The following DMD variants were observed in gnomAD, a reference collection of about 807,000 sequenced individuals.
DMD encodes mutant dystrophin.
Under a neutral mutation model 330.1 loss-of-function variants are expected in DMD, and 63 were observed. The ratio of observed to expected loss-of-function variants is 0.19; its 90% CI spans 0.16 to 0.24. The LOEUF (loss-of-function observed/expected upper bound fraction) is 0.24. DMD is among the 10% of genes least tolerant of loss of function. The pLI is 1.00. For missense variants in DMD, 3,344 were observed against 2,684.1 expected, an observed-to-expected ratio of 1.25 and a Z score of -5.43; for synonymous variants, 1,223 against 959.8, an observed-to-expected ratio of 1.27 and a Z score of -5.07.
At chrX:32,727,395 G>A (rs1239995994) in intron 7 of DMD, among the ~76,000 whole-genome samples, 1 of 110,916 alleles carries the variant, frequency 9.0e-6, no homozygotes, top group Non-Finnish European at 1.9e-5. Context: ...GTTTATAACA[G>A]AGCAGAACTC....
intron 20 of DMD, among the ~76,000 whole-genome samples, chrX:32,486,582 A>G (rs1234478142): frequency 8.2e-5 from 9 of 110,197 alleles, no homozygotes; most frequent in African/African-American, 2.6e-4. Context: ...GAGGCATCAC[A>G]CTACCTGACT....
chrX:32,483,290 A>G (rs2042100997), intron 21 of DMD, among the ~76,000 whole-genome samples: 1 of 104,958 alleles, frequency 9.5e-6, no homozygotes, highest in Admixed American at 1.1e-4. Context: ...AATAGCAGTG[A>G]AAAAGTTAGG....
intron 44 of DMD, among the ~76,000 whole-genome samples, chrX:32,085,994 T>A (rs769146244): frequency 5.4e-4 from 61 of 112,126 alleles, no homozygotes; most frequent in African/African-American, 1.8e-3. Context: ...TATGGAATAT[T>A]ATGCAGCCCA....
chrX:31,678,204 G>T (rs988554830), intron 53 of DMD, among the ~76,000 whole-genome samples: 1 of 111,637 alleles, frequency 9.0e-6, no homozygotes, highest in Admixed American at 9.5e-5. Context: ...TGACTAATTT[G>T]GAAATGGAAG....
At chrX:32,791,042 C>T (rs774185003) in intron 7 of DMD, among the ~76,000 whole-genome samples, 3 of 111,084 alleles carry the variant, frequency 2.7e-5, no homozygotes, top group East Asian at 2.9e-4. Flanking sequence ...CCCAGTTTAC[C>T]ACCATTGGCA....
intron 38 of DMD, among the ~76,000 whole-genome samples, chrX:32,347,523 T>G (rs1302934365): frequency 9.0e-6 from 1 of 111,713 alleles, no homozygotes; most frequent in Non-Finnish European, 1.9e-5. Flanking sequence ...ATGGGGAGTA[T>G]TGATTGAGGC....
chrX:32,339,990 C>CA (rs1482214839), intron 41 of DMD, among the ~76,000 whole-genome samples: 1 of 111,993 alleles, frequency 8.9e-6, no homozygotes, highest in African/African-American at 3.2e-5. Flanking sequence ...GTGACTATCA[C>CA]AAATGACTCT....
chrX:32,774,114 C>T (rs1307539884), intron 7 of DMD, among the ~76,000 whole-genome samples: 1 of 112,000 alleles, frequency 8.9e-6, no homozygotes, highest in East Asian at 2.8e-4. Context: ...TTAGGGATGT[C>T]TGAAATTCCT....
At chrX:32,125,669 T>C (rs1294103859) in intron 44 of DMD, among the ~76,000 whole-genome samples, 1 of 111,882 alleles carries the variant, frequency 8.9e-6, no homozygotes, top group Non-Finnish European at 1.9e-5. Context: ...TGAAAGGAGA[T>C]ATCATTCCTT....
At chrX:32,686,919 A>C (rs1192944345) in intron 9 of DMD, among the ~76,000 whole-genome samples, 1 of 111,659 alleles carries the variant, frequency 9.0e-6, no homozygotes, top group Non-Finnish European at 1.9e-5. Context: ...AGGATCCTAG[A>C]CCAAATATTT....
At chrX:32,622,842 G>A (rs937626235) in intron 11 of DMD, among the ~76,000 whole-genome samples, 12 of 111,691 alleles carry the variant, frequency 1.1e-4, no homozygotes, top group Non-Finnish European at 1.9e-5. Context: ...TTAAATTCAC[G>A]GGGTTGGGTC....
At chrX:32,133,677 C>T (rs2096710686) in intron 44 of DMD, among the ~76,000 whole-genome samples, 1 of 111,433 alleles carries the variant, frequency 9.0e-6, no homozygotes, top group South Asian at 3.8e-4. Flanking sequence ...TTCATGACTC[C>T]ATTTTTCTCC....
Position 32,922,480 on chromosome X carries a change from G to A in DMD, c.94-72660C>T, listed in dbSNP as rs2088522291. 3.6e-5 allele frequency among the ~76,000 whole-genome samples: 4 copies of A among 112,268 alleles called. No homozygotes were observed. The South Asian group carries it at 1.5e-3, about 41-fold the overall frequency. ...CTTTTTAGCACCAGGGACTGGTTTC[G>A]TGGAAGACAATTTTTTCACAGACTT... On this transcript the variant is annotated intron_variant, in intron 2 of 78. Transcript: ENST00000357033.
At chrX:32,298,368 T>C (rs188640763) in intron 42 of DMD, among the ~76,000 whole-genome samples, 4 of 110,785 alleles carry the variant, frequency 3.6e-5, no homozygotes, top group Admixed American at 2.9e-4. Flanking sequence ...AAGGATAACA[T>C]GAAGAATTTT....
intron 9 of DMD, among the ~76,000 whole-genome samples, chrX:32,650,048 T>A (rs772070485): frequency 9.0e-6 from 1 of 111,084 alleles, no homozygotes; most frequent in South Asian, 3.8e-4. Flanking sequence ...TCTGTGTGTT[T>A]CTGGAAGCAT....
At chrX:32,738,027 A>G (rs900953425) in intron 7 of DMD, among the ~76,000 whole-genome samples, 3 of 112,023 alleles carry the variant, frequency 2.7e-5, no homozygotes, top group South Asian at 7.4e-4. Context: ...TTGGGTCTAT[A>G]GAAGCAAAAG....
intron 55 of DMD, among the ~76,000 whole-genome samples, chrX:31,609,673 G>A (rs371043251): frequency 1.6e-3 from 180 of 111,991 alleles, no homozygotes; most frequent in African/African-American, 5.4e-3. Context: ...CTCAGAGGGT[G>A]AATTTCAAAT....
chrX:32,828,768 G>A (rs1488456237), intron 4 of DMD, among the ~76,000 whole-genome samples: 1 of 110,410 alleles, frequency 9.1e-6, no homozygotes, highest in Non-Finnish European at 1.9e-5. Flanking sequence ...TATAAGAATA[G>A]GCTCTTCTCT....
intron 25 of DMD, among the ~76,000 whole-genome samples, chrX:32,455,251 A>T (rs1211533732): frequency 9.0e-6 from 1 of 111,617 alleles, no homozygotes; most frequent in Non-Finnish European, 1.9e-5. Flanking sequence ...ATAATCATGT[A>T]TCTACAGAAA....
Sources: gnomAD v4.1 joint callset for allele counts (sites outside exome capture counted in the v4.1 genomes callset) on GRCh38, gnomAD v4.1.1 for gene constraint, MANE v1.5 for transcripts, NCBI Gene and HGNC (gene_info 2026-07-23, HGNC 2026-07-21) for gene names.